Variants in ROBO2 observed in about 807,000 individuals in gnomAD.
The protein encoded by ROBO2 is roundabout guidance receptor 2, also known as roundabout homolog 2.
In ROBO2, 53 loss-of-function variants were observed where a neutral mutation model predicts 160.8. The observed-to-expected ratio is 0.33, with a 90% CI of 0.26 to 0.41. ROBO2 has a LOEUF of 0.41. Among genes scored for constraint, ROBO2 ranks in the 10% least tolerant of loss-of-function variants. The pLI is 1.00. For missense variants in ROBO2, 1,577 were observed against 1,722.4 expected (o/e 0.92, Z 1.49); for synonymous variants, 664 against 611.7 (o/e 1.09, Z -1.26).
intron 1 of ROBO2, among the ~76,000 whole-genome samples, chr3:77,050,681 T>C (rs913569403): frequency 2.6e-5 from 4 of 151,060 alleles, no homozygotes; most frequent in African/African-American, 9.7e-5. Context: ...GCATTGTAAT[T>C]GTTTTCGCAT....
chr3:76,897,962 T>C (rs183581338), intron 2 of ROBO2, among the ~76,000 whole-genome samples: 1 of 152,252 alleles, frequency 6.6e-6, no homozygotes, highest in Non-Finnish European at 1.5e-5. Flanking sequence ...TATACATTTG[T>C]TGTTAGTTTA....
chr3:76,511,485 T>C (rs1277408141), intron 2 of ROBO2, among the ~76,000 whole-genome samples: 1 of 152,210 alleles, frequency 6.6e-6, no homozygotes, highest in East Asian at 1.9e-4. Flanking sequence ...CATATATTTT[T>C]CCCAAAATGT....
At chr3:76,603,208 T>C (rs13322962) in intron 2 of ROBO2, among the ~76,000 whole-genome samples, 9,711 of 150,350 alleles carry the variant, frequency 0.065, 999 homozygotes, top group African/African-American at 0.22. Flanking sequence ...GGTGGGTACC[T>C]GTAGTCCCAG....
At chr3:76,132,985 G>A (rs1018627659) in intron 2 of ROBO2, among the ~76,000 whole-genome samples, 2 of 152,046 alleles carry the variant, frequency 1.3e-5, no homozygotes, top group Admixed American at 1.3e-4. Context: ...TATAAAGTGG[G>A]GCTGCAAACG....
intron 2 of ROBO2, among the ~76,000 whole-genome samples, chr3:76,211,669 A>G (rs1046352230): frequency 6.6e-5 from 10 of 152,082 alleles, no homozygotes; most frequent in African/African-American, 1.7e-4. Context: ...CAGATGCCAT[A>G]CAGACTTTTA....
At chr3:76,294,098 A>C (rs1171401194) in intron 2 of ROBO2, among the ~76,000 whole-genome samples, 1 of 152,200 alleles carries the variant, frequency 6.6e-6, no homozygotes, top group Non-Finnish European at 1.5e-5. Context: ...GGGTTGTGAC[A>C]GCACCCAAGC....
At chr3:77,618,495 C>G (rs2094830409) in intron 22 of ROBO2, among the ~76,000 whole-genome samples, 1 of 152,076 alleles carries the variant, frequency 6.6e-6, no homozygotes, top group Admixed American at 6.6e-5. Flanking sequence ...TTCAATCTTT[C>G]TATTTTAATT....
intron 2 of ROBO2, among the ~76,000 whole-genome samples, chr3:77,276,217 CAAA>C (rs11414735): frequency 3.5e-5 from 5 of 143,476 alleles, no homozygotes; most frequent in African/African-American, 1.2e-4. Context: ...AACAAACAAA[CAAA>C]AAAAAAAAAC....
chr3:76,510,080 C>T (rs1052195661), intron 2 of ROBO2, among the ~76,000 whole-genome samples: 1 of 152,152 alleles, frequency 6.6e-6, no homozygotes, highest in Non-Finnish European at 1.5e-5. Flanking sequence ...CATGTGCAGG[C>T]TGGACATGCC....
chr3:76,695,528 T>C (rs1052663423), intron 2 of ROBO2, among the ~76,000 whole-genome samples: 20 of 152,218 alleles, frequency 1.3e-4, no homozygotes, highest in African/African-American at 4.3e-4. Flanking sequence ...AATATAACAA[T>C]GCCTTTGAAA....
intron 2 of ROBO2, among the ~76,000 whole-genome samples, chr3:77,250,027 C>T (rs1277493974): frequency 1.3e-5 from 2 of 151,876 alleles, no homozygotes; most frequent in African/African-American, 4.8e-5. Flanking sequence ...ACCAGTAATG[C>T]ACAAGGAGAA....
rs532961075 is a variant in ROBO2 at position 76,284,572 on chromosome 3, C to G, written c.109+346970C>G. On this transcript the variant is annotated intron_variant, in intron 2 of 26. Coordinates refer to the ROBO2 transcript ENST00000487694. ...CTTGACTCATTGATTTGCAGCTTCT[C>G]TCAGTGTGCAATAACATTCAGGTCT... Among the ~76,000 whole-genome samples the G allele has an allele frequency of 3.3e-5, 5 of 152,252 alleles. No homozygotes were observed. In the South Asian group the frequency reaches 8.3e-4, roughly 25 times the overall value.
At chr3:77,124,265 G>T (rs985514934) in intron 2 of ROBO2, among the ~76,000 whole-genome samples, 27 of 152,098 alleles carry the variant, frequency 1.8e-4, no homozygotes, top group African/African-American at 6.3e-4. Flanking sequence ...GATGTCTTTT[G>T]AATGGAACAA....
intron 2 of ROBO2, among the ~76,000 whole-genome samples, chr3:76,226,591 T>C (rs1704302156): frequency 6.6e-6 from 1 of 152,178 alleles, no homozygotes; most frequent in South Asian, 2.1e-4. Context: ...TATAATGTAT[T>C]TTTTTATTGT....
intron 2 of ROBO2, among the ~76,000 whole-genome samples, chr3:76,373,846 C>A (rs375028501): frequency 6.6e-6 from 1 of 151,928 alleles, no homozygotes; most frequent in Non-Finnish European, 1.5e-5. Context: ...GCTGGGCTCA[C>A]TCGTGCTTCT....
At chr3:76,051,706 G>A (rs1438720994) in intron 2 of ROBO2, among the ~76,000 whole-genome samples, 4 of 152,028 alleles carry the variant, frequency 2.6e-5, no homozygotes, top group Non-Finnish European at 5.9e-5. Flanking sequence ...AAAAGATCAG[G>A]TTCACGTATA....
intron 2 of ROBO2, among the ~76,000 whole-genome samples, chr3:76,997,689 G>A (rs754571322): frequency 6.6e-6 from 1 of 152,154 alleles, no homozygotes; most frequent in Non-Finnish European, 1.5e-5. Flanking sequence ...AGCTTCTGAT[G>A]TCTCAGTTTT....
At position 77,596,612 on chromosome 3, in the gene ROBO2, T is replaced by C; in HGVS notation, c.2727-11T>C. On this transcript the variant is annotated splice_polypyrimidine_tract_variant and intron_variant, in intron 18 of 25. Transcript: ENST00000461745. ...CTCCATGTGTTGATTTCCTTGTAAT[T>C]TCTGTTTTAGCCGTCCAGGTCTTCT... The C allele has an allele frequency of 6.2e-7, 1 of 1,613,758 alleles. No homozygotes were observed. Among genetic ancestry groups the C allele is most frequent in the South Asian group, 1.1e-5 (1 of 91,074 alleles).
intron 2 of ROBO2, among the ~76,000 whole-genome samples, chr3:76,913,194 C>G (rs992334454): frequency 6.6e-6 from 1 of 152,100 alleles, no homozygotes; most frequent in African/African-American, 2.4e-5. Flanking sequence ...AAAATGTGCC[C>G]CTCCCCATAA....
Sources: gnomAD v4.1 joint callset for allele counts (sites outside exome capture counted in the v4.1 genomes callset) on GRCh38, gnomAD v4.1.1 for gene constraint, MANE v1.5 for transcripts, NCBI Gene and HGNC (gene_info 2026-07-23, HGNC 2026-07-21) for gene names.